CSMD1: variants seen among roughly 807,000 people sequenced by gnomAD.
CSMD1 encodes the protein CUB and sushi domain-containing protein 1.
Under a neutral mutation model 417.5 loss-of-function variants are expected in CSMD1, and 213 were observed. That is an observed-to-expected ratio of 0.51 (90% CI 0.46 to 0.57). The LOEUF is 0.57. CSMD1 is among the 20% of genes least tolerant of loss of function. The pLI, the probability that CSMD1 is intolerant of heterozygous loss-of-function variation, is 0.00. For synonymous variants in CSMD1, 2,862 were observed against 1,736.8 expected, an observed-to-expected ratio of 1.65 and a Z score of -16.11; for missense variants, 6,923 against 4,529.7, an observed-to-expected ratio of 1.53 and a Z score of -15.17.
intron 3 of CSMD1, among the ~76,000 whole-genome samples, chr8:4,036,980 T>C (rs866117516): frequency 1.3e-5 from 2 of 151,710 alleles, no homozygotes; most frequent in African/African-American, 2.4e-5. Flanking sequence ...TGTGTGTGTG[T>C]GTGTGTGTGT....
chr8:4,426,614 ATTG>A (rs1797573151), intron 2 of CSMD1, among the ~76,000 whole-genome samples: 1 of 65,322 alleles, frequency 1.5e-5, no homozygotes, highest in South Asian at 4.8e-4. Flanking sequence ...TATAAATTAT[ATTG>A]TTTACTATAT....
intron 5 of CSMD1, among the ~76,000 whole-genome samples, chr8:3,882,656 G>C (rs748441519): frequency 6.6e-6 from 1 of 152,142 alleles, no homozygotes; most frequent in South Asian, 2.1e-4. Context: ...ATATAAATAA[G>C]TTGTGGTATG....
At chr8:3,343,888 C>T (rs1449644811) in intron 22 of CSMD1, among the ~76,000 whole-genome samples, 1 of 152,150 alleles carries the variant, frequency 6.6e-6, no homozygotes, top group East Asian at 1.9e-4. Flanking sequence ...TTTCTATTCC[C>T]TTCTGTCTGA....
At chr8:4,647,495 G>T (rs555810685) in intron 1 of CSMD1, among the ~76,000 whole-genome samples, 1 of 148,272 alleles carries the variant, frequency 6.7e-6, no homozygotes, top group East Asian at 1.9e-4. Flanking sequence ...ATGGTGGTTT[G>T]TTACGTAGGT....
rs371594999 is a variant in CSMD1 at position 3,029,365 on chromosome 8, C to G, written c.7809G>C (p.Gln2603His). 1.2e-6 allele frequency: 2 copies of G among 1,611,258 alleles called. No homozygotes were observed. Among genetic ancestry groups the G allele is most frequent in the South Asian group, 1.1e-5 (1 of 90,776 alleles). Residue 2603 changes from glutamine to histidine, a missense_variant, in exon 51 of 70, where the codon CAG becomes CAC. Transcript: ENST00000635120. ...CTCCTATGTTCCACGTCCCATTGGC[C>G]TGGCACCGCAGGAGCCTCCAGCCTT... ...YLEGWRLLRC[Q>H]ANGTWNIGDE...
intron 5 of CSMD1, among the ~76,000 whole-genome samples, chr8:3,864,950 G>A (rs1444647561): frequency 1.3e-5 from 2 of 152,194 alleles, no homozygotes; most frequent in African/African-American, 4.8e-5. Context: ...GGGTGAACGA[G>A]CAGCTTTTCC....
At chr8:3,969,641 C>G (rs185659335) in intron 5 of CSMD1, among the ~76,000 whole-genome samples, 121 of 152,210 alleles carry the variant, frequency 7.9e-4, no homozygotes, top group Admixed American at 1.8e-3. Flanking sequence ...AAAATGCTAC[C>G]ACATTTAAAA....
At chr8:3,335,971 G>T (rs1003624470) in intron 23 of CSMD1, among the ~76,000 whole-genome samples, 1 of 152,080 alleles carries the variant, frequency 6.6e-6, no homozygotes, top group Non-Finnish European at 1.5e-5. Flanking sequence ...TTTATTTTGG[G>T]CTAATTTACA....
rs570030277 is a variant in CSMD1, at chr8:3,116,300, T to C, written c.6430+2099A>G. ...GTTTCTTTATTAGGTTTACGAGTAC[T>C]GGTAAAAATAGAAATATAATAGTAA... On this transcript the variant is annotated intron_variant, in intron 42 of 69. Transcript: ENST00000635120. 4.0e-3 allele frequency among the ~76,000 whole-genome samples: 611 copies of C among 152,322 alleles called. 5 individuals carry two copies. Among genetic ancestry groups the C allele is most frequent in the Non-Finnish European group, 6.7e-3 (456 of 68,036 alleles).
chr8:4,173,244 C>G (rs187509502), intron 3 of CSMD1, among the ~76,000 whole-genome samples: 11 of 152,078 alleles, frequency 7.2e-5, no homozygotes, highest in African/African-American at 2.4e-4. Context: ...GCTTGTCTCA[C>G]GCAACATTTG....
At chr8:4,117,681 C>A (rs1000182751) in intron 3 of CSMD1, among the ~76,000 whole-genome samples, 11 of 152,134 alleles carry the variant, frequency 7.2e-5, no homozygotes, top group African/African-American at 2.7e-4. Flanking sequence ...GACTGTATAC[C>A]TGACACTGGC....
chr8:4,905,177 G>T (rs544251098), intron 1 of CSMD1, among the ~76,000 whole-genome samples: 2 of 150,598 alleles, frequency 1.3e-5, no homozygotes, highest in East Asian at 3.9e-4. Flanking sequence ...ACACATCTCT[G>T]AAAAAAAAAG....
intron 20 of CSMD1, among the ~76,000 whole-genome samples, chr8:3,363,817 C>A (rs1313071773): frequency 1.3e-5 from 2 of 152,266 alleles, no homozygotes; most frequent in South Asian, 2.1e-4. Context: ...CACGTCGTAG[C>A]GAGTGGGAAA....
intron 1 of CSMD1, among the ~76,000 whole-genome samples, chr8:4,741,803 C>G (rs1160859027): frequency 6.6e-6 from 1 of 151,964 alleles, no homozygotes; most frequent in African/African-American, 2.4e-5. Flanking sequence ...AAACAGTGCC[C>G]TGGTGATTCA....
intron 3 of CSMD1, among the ~76,000 whole-genome samples, chr8:4,229,891 C>T (rs1234767687): frequency 6.6e-6 from 1 of 152,140 alleles, no homozygotes; most frequent in African/African-American, 2.4e-5. Context: ...CTGTGTATCG[C>T]TTTGAGTGAT....
At chr8:4,568,179 T>C (rs1798706341) in intron 2 of CSMD1, among the ~76,000 whole-genome samples, 1 of 152,184 alleles carries the variant, frequency 6.6e-6, no homozygotes, top group Non-Finnish European at 1.5e-5. Flanking sequence ...GGGATACATG[T>C]GCAGAAAGTG....
intron 5 of CSMD1, among the ~76,000 whole-genome samples, chr8:3,845,159 G>A (rs145759176): frequency 6.6e-6 from 1 of 152,218 alleles, no homozygotes; most frequent in Admixed American, 6.5e-5. Context: ...CAGGAAGACA[G>A]TTTATGGGAA....
intron 1 of CSMD1, among the ~76,000 whole-genome samples, chr8:4,731,501 T>C (rs996873344): frequency 3.3e-5 from 5 of 152,204 alleles, no homozygotes; most frequent in African/African-American, 1.2e-4. Context: ...CATTCAGATA[T>C]ATGATGTCAT....
At chr8:4,355,723 C>A (rs911834781) in intron 3 of CSMD1, among the ~76,000 whole-genome samples, 3 of 152,182 alleles carry the variant, frequency 2.0e-5, no homozygotes, top group East Asian at 3.9e-4. Context: ...TCCAGCAATG[C>A]ATCTTTATTC....
Sources: allele counts gnomAD v4.1 joint callset (sites outside exome capture counted in the v4.1 genomes callset), GRCh38; gene constraint gnomAD v4.1.1; transcripts MANE v1.5; gene names NCBI Gene and HGNC (gene_info 2026-07-23, HGNC 2026-07-21).